Variants in NAT16 observed in about 807,000 individuals in gnomAD.
NAT16 encodes the protein N-acetyltransferase 16 (putative), also known as probable N-acetyltransferase 16.
A neutral mutation model predicts 15.9 loss-of-function variants in NAT16; 16 were observed. The ratio of observed to expected loss-of-function variants is 1.01; its 90% CI spans 0.68 to 1.53. The LOEUF (loss-of-function observed/expected upper bound fraction) is 1.53, where lower values mean the gene tolerates loss of function less well. Among genes scored for constraint, NAT16 ranks in the 40% most tolerant of loss-of-function variants. The pLI is 0.00. For synonymous variants in NAT16, 260 were observed against 241.9 expected, an observed-to-expected ratio of 1.07 and a Z score of -0.69; for missense variants, 572 against 508.4, an observed-to-expected ratio of 1.13 and a Z score of -1.20.
In NAT16 at chr7:101,172,526, G is replaced by C. The variant is rs1797350064; in HGVS notation, c.663C>G (p.Gly221=). 1 of 1,575,950 alleles carries C rather than the reference G, an allele frequency of 6.3e-7. No individual in the cohort carries two copies. Among genetic ancestry groups the C allele is most frequent in the Non-Finnish European group, 8.6e-7 (1 of 1,168,996 alleles). Residue 221 remains glycine (G), a synonymous_variant, in exon 4 of 4, where the codon GGC becomes GGG. Coordinates refer to ENST00000300303, the MANE Select transcript of NAT16 (RefSeq NM_198571.3). This position sits in a 1 kb window ranked among gnomAD's most constrained non-coding sequence, Gnocchi z 4.2. ...GTGACAGCAGGAGGCGTGCCACGTCGCCGCCTGCCTCGGACACGGCCTCGG... is the reference window on the plus strand; with the variant it reads ...GTGACAGCAGGAGGCGTGCCACGTCCCCGCCTGCCTCGGACACGGCCTCGG... ...LPTEAVSEAG[G]DVARLLLSPS... is the part of the protein sequence containing the mutation.
intron 2 of NAT16, 178 bp from the exon 3 acceptor site, chr7:101,173,698 C>T: frequency 1.8e-6 from 1 of 557,164 alleles, no homozygotes; most frequent in Non-Finnish European, 3.1e-6. Flanking sequence ...GCAGAACAGT[C>T]ATTCGCCGGG....
chr7:101,174,464 C>G (rs201777029), intron 2 of NAT16, 32 bp downstream of exon 2: 8 of 1,573,156 alleles, frequency 5.1e-6, no homozygotes, highest in Non-Finnish European at 6.9e-6. Context: ...TGGCTTCACC[C>G]CATGTCACCT....
Position 101,172,373 on chromosome 7 carries a change from C to T in NAT16, c.816G>A (p.Ala272=). Residue 272 remains alanine, a synonymous_variant, in exon 4 of 4, where the codon GCG becomes GCA. Transcript: ENST00000300303. This position sits in a 1 kb window ranked among gnomAD's most constrained non-coding sequence, Gnocchi z 4.2. ...TGCACAGCGTGAGCACGCGCGGGCGCGCGCGGCTGTCCACGCGCCACTCCA... is the reference window on the plus strand; with the variant it reads ...TGCACAGCGTGAGCACGCGCGGGCGTGCGCGGCTGTCCACGCGCCACTCCA... ...KGLEWRVDSR[A]RPRVLTLCTR... 1 of 1,572,402 alleles carries T rather than the reference C, an allele frequency of 6.4e-7. No individual in the cohort carries two copies. Among genetic ancestry groups the T allele is most frequent in the Non-Finnish European group, 8.6e-7 (1 of 1,162,278 alleles).
chr7:101,175,611 T>C (rs1797446490), intron 1 of NAT16, among the ~76,000 whole-genome samples: 1 of 148,480 alleles, frequency 6.7e-6, no homozygotes, highest in Non-Finnish European at 1.5e-5. Context: ...AAAAAGGCAC[T>C]TGGGGGTAGT....
At position 101,171,951 on chromosome 7, in the gene NAT16, G is replaced by A. The variant is rs1562872875; in HGVS notation, c.*128C>T. ...GAGTGGGGGGACCTGCGCCGGTAAG[G>A]GCAGGAGGGCAGGAGTCAGAGGGGA... is the stretch of plus-strand genomic sequence containing the variant. On this transcript the variant is annotated 3_prime_UTR_variant, in exon 4 of 4. Transcript: ENST00000300303. 1.1e-5 allele frequency: 7 copies of A among 659,066 alleles called. No individual in the cohort carries two copies. In the South Asian group the frequency reaches 1.1e-4, roughly 11 times the overall value. The allele number at this position is 659,066 out of a possible 1,614,324, so 40.8% of individuals were successfully genotyped here.
At chr7:101,178,409 A>C (rs1297156550) in intron 1 of NAT16, among the ~76,000 whole-genome samples, 1 of 152,122 alleles carries the variant, frequency 6.6e-6, no homozygotes, top group Non-Finnish European at 1.5e-5. Context: ...CCCTTGCTTC[A>C]CATGGTGACC....
In NAT16 at chr7:101,174,611, A is replaced by G; in HGVS notation, c.197T>C (p.Val66Ala). The G allele has an allele frequency of 6.2e-7, 1 of 1,614,042 alleles. No individual in the cohort carries two copies. Among genetic ancestry groups the G allele is most frequent in the South Asian group, 1.1e-5 (1 of 91,064 alleles). ...VVATEREFEEVLAISGGIYGG... is the reference protein window; with the variant it reads ...VVATEREFEEALAISGGIYGG... ...GTAGATGCCCCCCGAGATGGCCAGCACTTCCTCAAACTCCCGTTCCGTGGC... is the reference window on the plus strand; with the variant it reads ...GTAGATGCCCCCCGAGATGGCCAGCGCTTCCTCAAACTCCCGTTCCGTGGC... Residue 66 changes from valine to alanine, a missense_variant, in exon 2 of 4, where the codon GTG becomes GCG. Val to Ala is a moderately conservative substitution (Grantham distance 64). Transcript: ENST00000300303.
intron 1 of NAT16, among the ~76,000 whole-genome samples, chr7:101,177,395 T>C (rs1584224748): frequency 6.6e-6 from 1 of 150,858 alleles, no homozygotes; most frequent in African/African-American, 2.4e-5. Context: ...CAGGCCGGAG[T>C]GCAATGGCAT....
rs750804809 is a variant in NAT16, at chr7:101,173,460, G to A, written c.373C>T (p.Arg125Cys). 4.3e-6 allele frequency: 7 copies of A among 1,611,640 alleles called. No homozygotes were observed. In the African/African-American group the frequency reaches 9.3e-5, roughly 22 times the overall value. ...TTCCCGCGCTCCCAGGGCGCCACGC[G>A]CAGCCCCTCCACCAGCACCGTCTCC... The part of the protein sequence containing the change: ...AGETVLVEGL[R>C]VAPWERGKGV... The change falls in exon 3 of 4, where the codon CGC becomes TGC. Residue 125 changes from arginine to cysteine, a missense_variant. By Grantham distance (180) the Arg-to-Cys change is radical. Coordinates refer to ENST00000300303, the MANE Select transcript of NAT16 (RefSeq NM_198571.3).
Position 101,174,603 on chromosome 7 carries a change from T to G in NAT16, c.205A>C (p.Ile69Leu), listed in dbSNP as rs751377393. ...TEREFEEVLA[I>L]SGGIYGGLDY... ...AGGCCGCCGTAGATGCCCCCCGAGA[T>G]GGCCAGCACTTCCTCAAACTCCCGT... Residue 69 changes from isoleucine (I) to leucine (L), a missense_variant, in exon 2 of 4, where the codon ATC (isoleucine) becomes CTC (leucine). Ile to Leu is a conservative substitution (Grantham distance 5, BLOSUM62 2). Transcript: ENST00000300303. 2 of 1,614,024 alleles carry G rather than the reference T, an allele frequency of 1.2e-6. No individual in the cohort carries two copies. The highest frequency in any genetic ancestry group is 1.7e-5 in the Admixed American group (1 of 60,000).
rs1410746975 is a variant in NAT16, at chr7:101,173,425, G to A, written c.408C>T (p.Ala136=). 6.2e-7 allele frequency: 1 copy of A among 1,612,584 alleles called. No homozygotes were observed. The highest frequency in any genetic ancestry group is 8.5e-7 in the Non-Finnish European group (1 of 1,179,400). Residue 136 remains alanine (A), a synonymous_variant, in exon 3 of 4, where the codon GCC becomes GCT. Coordinates refer to ENST00000300303, the MANE Select transcript of NAT16 (RefSeq NM_198571.3). ...VAPWERGKGV[A]GLLQRFCSQL... The stretch of plus-strand genomic sequence containing the variant: ...GCGAGCAGAAGCGCTGCAGCAGCCC[G>A]GCCACGCCCTTCCCGCGCTCCCAGG...
intron 1 of NAT16, among the ~76,000 whole-genome samples, chr7:101,177,708 G>A (rs1345391164): frequency 6.6e-6 from 1 of 152,136 alleles, no homozygotes; most frequent in Non-Finnish European, 1.5e-5. Flanking sequence ...GCAAGGAGGG[G>A]AACTACTGGG....
At chr7:101,178,145 C>T (rs1042529814) in intron 1 of NAT16, among the ~76,000 whole-genome samples, 1 of 152,156 alleles carries the variant, frequency 6.6e-6, no homozygotes, top group Non-Finnish European at 1.5e-5. Flanking sequence ...TTCCAAATGG[C>T]ATTTATACGT....
chr7:101,172,500 G>A lies in NAT16; in HGVS notation c.689C>T (p.Pro230Leu), dbSNP rs370171748. Residue 230 changes from proline to leucine, a missense_variant, in exon 4 of 4, where the codon CCC becomes CTC. By Grantham distance (98) the Pro-to-Leu change is moderately conservative (BLOSUM62 -3). Coordinates refer to ENST00000300303, the MANE Select transcript of NAT16 (RefSeq NM_198571.3). This position sits in a 1 kb window ranked among gnomAD's most constrained non-coding sequence, Gnocchi z 4.2. The stretch of plus-strand genomic sequence containing the variant: ...TGGAAGCACGTCGCGCTGCACGGAG[G>A]GTGACAGCAGGAGGCGTGCCACGTC... ...GGDVARLLLSPSVQRDVLPGG... is the reference protein window; with the variant it reads ...GGDVARLLLSLSVQRDVLPGG... 4 of 1,592,856 alleles carry A rather than the reference G, an allele frequency of 2.5e-6. No individual in the cohort carries two copies. Among genetic ancestry groups the A allele is most frequent in the Non-Finnish European group, 3.4e-6 (4 of 1,175,496 alleles).
In NAT16 at chr7:101,172,292, G is replaced by A. The variant is rs766050063; in HGVS notation, c.897C>T (p.Ile299=). ...GCGCGCCGTCGCTACCGAAGGCGTC[G>A]ATGTTGAGATAGCGCCAAGTGCCGT... ...GGDGTWRYLN[I]DAFGSDGAQV... The change falls in exon 4 of 4, where the codon ATC becomes ATT. Residue 299 remains isoleucine (I), a synonymous_variant. Coordinates refer to ENST00000300303, the MANE Select transcript of NAT16 (RefSeq NM_198571.3). The surrounding 1 kb of genome is among the most constrained non-coding windows in gnomAD (Gnocchi z 4.2). 4 of 1,612,146 alleles carry A rather than the reference G, an allele frequency of 2.5e-6. No individual in the cohort carries two copies. Among genetic ancestry groups the A allele is most frequent in the South Asian group, 1.1e-5 (1 of 91,034 alleles).
At chr7:101,179,663 G>A (rs1797548594) in intron 1 of NAT16, among the ~76,000 whole-genome samples, 1 of 149,206 alleles carries the variant, frequency 6.7e-6, no homozygotes, top group South Asian at 2.2e-4. Flanking sequence ...GGCCACAGTA[G>A]TGGAGAAGGG....
Position 101,174,753 on chromosome 7 carries a change from T to C in NAT16, c.55A>G (p.Lys19Glu), listed in dbSNP as rs1398168711. ...GGCTCTGCATCTCGGGCAGTCTTCT[T>C]TTCCGGCTTAGGGACCTCTGAGGTG... Reference protein sequence around the residue: ...TATSEVPKPEKKTARDAEPSS... With the variant: ...TATSEVPKPEEKTARDAEPSS... Residue 19 changes from lysine to glutamate, a missense_variant, in exon 2 of 4, where the codon AAG becomes GAG. Physicochemically the swap from Lys to Glu is moderately conservative, Grantham distance 56. Transcript: ENST00000300303. 25 of 1,605,568 alleles carry C rather than the reference T, an allele frequency of 1.6e-5. No homozygotes were observed. The highest frequency in any genetic ancestry group is 2.1e-5 in the Non-Finnish European group (25 of 1,178,266).
At position 101,180,250 on chromosome 7, in the gene NAT16, G is replaced by T. The variant is rs997033320; in HGVS notation, c.-213C>A. On this transcript the variant is annotated 5_prime_UTR_variant, in exon 1 of 4. Transcript: ENST00000300303. Reference sequence around the variant, plus strand: ...GGGGCAGCGCCGCAGCTCCGTTGGCGACGCGGGCCGGGGCGCCCATCGGTT... The same window carrying T: ...GGGGCAGCGCCGCAGCTCCGTTGGCTACGCGGGCCGGGGCGCCCATCGGTT... The T allele has an allele frequency of 6.6e-6, 1 of 152,260 alleles. No homozygotes were observed. Among genetic ancestry groups the T allele is most frequent in the Admixed American group, 6.5e-5 (1 of 15,286 alleles). 9.4% of individuals were successfully genotyped at this position (152,260 alleles called of 1,614,324 possible). A position where few individuals can be genotyped will look rare whatever the true frequency, so the allele number is the denominator to read the frequency against.
intron 1 of NAT16, among the ~76,000 whole-genome samples, chr7:101,175,762 T>C (rs923895464): frequency 3.3e-5 from 5 of 151,374 alleles, no homozygotes; most frequent in African/African-American, 1.2e-4. Context: ...ACTCTGTCTA[T>C]AAAAAAAATT....
Sources: allele counts gnomAD v4.1 joint callset (sites outside exome capture counted in the v4.1 genomes callset), GRCh38; gene constraint gnomAD v4.1.1; non-coding constraint Gnocchi (gnomAD v3.1); transcripts MANE v1.5; gene names NCBI Gene and HGNC (gene_info 2026-07-23, HGNC 2026-07-21).